Variants in GPAT3 observed in about 807,000 individuals in gnomAD.
GPAT3 encodes the protein 1-AGP acyltransferase 9.
Under a neutral mutation model 58.8 loss-of-function variants are expected in GPAT3, and 53 were observed. The ratio of observed to expected loss-of-function variants is 0.90; its 90% CI spans 0.72 to 1.13. The LOEUF is 1.13. GPAT3 is among the 50% of genes most tolerant of loss of function. The pLI, the probability that GPAT3 is intolerant of heterozygous loss-of-function variation, is 0.00. For missense variants in GPAT3, 511 were observed against 527.6 expected, an observed-to-expected ratio of 0.97 and a Z score of 0.31; for synonymous variants, 197 against 187.4, an observed-to-expected ratio of 1.05 and a Z score of -0.42.
At position 83,588,265 on chromosome 4, in the gene GPAT3, C is replaced by T. The variant is rs767293433; in HGVS notation, c.610C>T (p.Arg204Ter). 5.1e-5 allele frequency: 83 copies of T among 1,613,574 alleles called. No homozygotes were observed. Among genetic ancestry groups the T allele is most frequent in the East Asian group, 1.8e-4 (8 of 44,858 alleles). The change falls in exon 5 of 12, where the codon CGA (arginine) becomes TGA (stop). Residue 204 changes from arginine (R) to a stop codon, truncating the protein, a stop_gained. Transcript: ENST00000264409. LOFTEE classifies it high-confidence loss of function. ...TCTGACTTGCTGCCGGATCTGTGTG[C>T]GAGCCCTCTCTGGTACCATTCATTA... ...VHLTCCRICV[R>*]ALSGTIHYHN...
intron 11 of GPAT3, among the ~76,000 whole-genome samples, chr4:83,602,932 ATTTGTGGAT>A (rs1323489694): frequency 6.6e-6 from 1 of 152,150 alleles, no homozygotes; most frequent in Non-Finnish European, 1.5e-5. Context: ...CCACTGGATG[ATTTGTGGAT>A]CACAGTCTGT....
intron 2 of GPAT3, among the ~76,000 whole-genome samples, chr4:83,563,356 T>G (rs1250495064): frequency 2.6e-5 from 4 of 152,240 alleles, no homozygotes; most frequent in Admixed American, 1.3e-4. Context: ...CTTCCACTCC[T>G]GTTACTGACT....
intron 3 of GPAT3, among the ~76,000 whole-genome samples, chr4:83,584,836 G>T (rs1726318750): frequency 1.3e-5 from 2 of 152,188 alleles, no homozygotes; most frequent in African/African-American, 4.8e-5. Context: ...TGAATTGTAT[G>T]GCATGTGAAT....
chr4:83,569,397 A>G (rs1175076336), intron 2 of GPAT3, among the ~76,000 whole-genome samples: 1 of 152,192 alleles, frequency 6.6e-6, no homozygotes, highest in African/African-American at 2.4e-5. Context: ...CTTTGGACCA[A>G]AAAAGAGAGA....
At chr4:83,568,637 A>G (rs1486318995) in intron 2 of GPAT3, among the ~76,000 whole-genome samples, 1 of 151,714 alleles carries the variant, frequency 6.6e-6, no homozygotes, top group Admixed American at 6.6e-5. Context: ...CGTCCGGGGT[A>G]GCTGGGACTA....
chr4:83,539,356 G>T (rs1256084959), intron 1 of GPAT3, among the ~76,000 whole-genome samples: 1 of 152,026 alleles, frequency 6.6e-6, no homozygotes, highest in African/African-American at 2.4e-5. Context: ...TATTCTTTGG[G>T]CTCTGATCAT....
chr4:83,602,680 G>A (rs1194652736), intron 11 of GPAT3, among the ~76,000 whole-genome samples: 2 of 152,186 alleles, frequency 1.3e-5, no homozygotes, highest in African/African-American at 2.4e-5. Context: ...TTGGGAAGGA[G>A]AATTGTACAA....
Position 83,604,716 on chromosome 4 carries a change from G to A in GPAT3, c.1254G>A (p.Glu418=), listed in dbSNP as rs763436871. 1.1e-5 allele frequency: 18 copies of A among 1,613,892 alleles called. No homozygotes were observed. The highest frequency in any genetic ancestry group is 1.5e-5 in the Non-Finnish European group (18 of 1,179,964). ...AGGTGAAGGACATCTTTAAGGAAGAGCAGCAGAAAAATTACAGCAAGATGA... is the reference window on the plus strand; with the variant it reads ...AGGTGAAGGACATCTTTAAGGAAGAACAGCAGAAAAATTACAGCAAGATGA... ...RAKVKDIFKE[E]QQKNYSKMIV... Residue 418 remains glutamate, a synonymous_variant, in exon 12 of 12, where the codon GAG becomes GAA. Transcript: ENST00000264409.
chr4:83,581,973 A>G, intron 3 of GPAT3, 141 bp downstream of exon 3: 1 of 1,138,712 alleles, frequency 8.8e-7, no homozygotes, highest in East Asian at 2.4e-5. Context: ...ATGACCTCTA[A>G]AGGAATGTAT....
chr4:83,598,364 T>C (rs1560633530), intron 10 of GPAT3, among the ~76,000 whole-genome samples, 185 bp downstream of exon 10: 2 of 152,180 alleles, frequency 1.3e-5, no homozygotes, highest in Non-Finnish European at 2.9e-5. Context: ...TTTTCCACGA[T>C]GGTTTTATAA....
chr4:83,576,353 C>T (rs1238080313), intron 2 of GPAT3, among the ~76,000 whole-genome samples: 5 of 151,766 alleles, frequency 3.3e-5, no homozygotes, highest in South Asian at 2.1e-4. Flanking sequence ...AGAAAAAGCT[C>T]GTTAAGGTGG....
intron 7 of GPAT3, 115 bp from the exon 8 acceptor site, chr4:83,596,743 A>C: frequency 2.5e-6 from 2 of 787,732 alleles, no homozygotes; most frequent in South Asian, 3.2e-5. Flanking sequence ...CCTGTATCTC[A>C]ATTATTTTCT....
chr4:83,541,839 C>T (rs1395438339), intron 1 of GPAT3, among the ~76,000 whole-genome samples: 1 of 152,140 alleles, frequency 6.6e-6, no homozygotes, highest in Non-Finnish European at 1.5e-5. Context: ...TGGATGTGGC[C>T]GCCTTCCAGC....
intron 9 of GPAT3, 135 bp from the exon 10 acceptor site, chr4:83,597,916 A>G: frequency 4.9e-6 from 5 of 1,020,456 alleles, no homozygotes. Context: ...TTTTTTTGAT[A>G]AATTCCATCA....
At chr4:83,579,016 CCCTT>C (rs1560620838) in intron 2 of GPAT3, among the ~76,000 whole-genome samples, 1 of 86,054 alleles carries the variant, frequency 1.2e-5, no homozygotes, top group Non-Finnish European at 2.2e-5. Flanking sequence ...TTCCTTCTTT[CCCTT>C]TCTTTCTTTC....
At chr4:83,602,736 C>A (rs1209687529) in intron 11 of GPAT3, among the ~76,000 whole-genome samples, 3 of 152,122 alleles carry the variant, frequency 2.0e-5, no homozygotes, top group African/African-American at 7.2e-5. Flanking sequence ...CTGTTTTGGG[C>A]TTGGATCTTG....
intron 9 of GPAT3, among the ~76,000 whole-genome samples, 182 bp downstream of exon 9, chr4:83,597,697 G>A (rs529794922): frequency 1.3e-5 from 2 of 152,160 alleles, no homozygotes; most frequent in Non-Finnish European, 2.9e-5. Flanking sequence ...TATGTAGATA[G>A]ATGTATACTG....
chr4:83,544,668 T>A, intron 2 of GPAT3, 66 bp downstream of exon 2: 1 of 1,458,184 alleles, frequency 6.9e-7, no homozygotes, highest in Non-Finnish European at 9.6e-7. Flanking sequence ...CCTACCCAAT[T>A]TGAACTTGAA....
At chr4:83,547,765 A>G (rs1470972282) in intron 2 of GPAT3, among the ~76,000 whole-genome samples, 1 of 151,540 alleles carries the variant, frequency 6.6e-6, no homozygotes, top group East Asian at 1.9e-4. Flanking sequence ...TTTAAAAGCT[A>G]TTTAATTTGT....
Sources: allele counts gnomAD v4.1 joint callset (sites outside exome capture counted in the v4.1 genomes callset), GRCh38; gene constraint gnomAD v4.1.1; transcripts MANE v1.5; gene names NCBI Gene and HGNC (gene_info 2026-07-23, HGNC 2026-07-21).